Variants in OLAH observed in about 807,000 individuals in gnomAD.
The protein encoded by OLAH is S-acyl fatty acid synthase thioesterase, medium chain.
OLAH carries 33 observed loss-of-function variants against 27.8 expected under a neutral mutation model. That is an observed-to-expected ratio of 1.19 (90% CI 0.90 to 1.59). The LOEUF (loss-of-function observed/expected upper bound fraction) is 1.59, where lower values mean the gene tolerates loss of function less well. OLAH is among the 40% of genes most tolerant of loss of function. The pLI is 0.00. For missense variants in OLAH, 359 were observed against 310.8 expected, an observed-to-expected ratio of 1.16 and a Z score of -1.17; for synonymous variants, 120 against 102.9, an observed-to-expected ratio of 1.17 and a Z score of -1.01.
At chr10:15,037,803 C>T (rs1381432093) in intron 1 of OLAH, among the ~76,000 whole-genome samples, 3 of 152,204 alleles carry the variant, frequency 2.0e-5, no homozygotes, top group Non-Finnish European at 4.4e-5. Flanking sequence ...AGGCATTAAA[C>T]TTTTACAGCC....
At chr10:15,034,890 C>T (rs1451718544) in intron 1 of OLAH, among the ~76,000 whole-genome samples, 1 of 151,650 alleles carries the variant, frequency 6.6e-6, no homozygotes, top group East Asian at 1.9e-4. Context: ...CAACCTTCAC[C>T]TCCCGGGTTC....
intron 3 of OLAH, among the ~76,000 whole-genome samples, chr10:15,056,270 G>A (rs1844242024): frequency 6.6e-6 from 1 of 152,008 alleles, no homozygotes; most frequent in Non-Finnish European, 1.5e-5. Context: ...GGGCTTCTAT[G>A]AGCATCTTAT....
upstream of OLAH, among the ~76,000 whole-genome samples, chr10:15,041,280 A>ATTT (rs529932860): frequency 1.3e-5 from 1 of 79,010 alleles, no homozygotes; most frequent in African/African-American, 4.9e-5. Flanking sequence ...TTTTATTTTT[A>ATTT]TTTTTATTTT....
chr10:15,048,547 C>T (rs944242792), intron 2 of OLAH, among the ~76,000 whole-genome samples: 4 of 152,184 alleles, frequency 2.6e-5, no homozygotes, highest in Admixed American at 2.6e-4. Flanking sequence ...CACTGTTTAT[C>T]AAACATTCAG....
chr10:15,049,885 G>A, intron 3 of OLAH, 120 bp downstream of exon 3: 1 of 919,668 alleles, frequency 1.1e-6, no homozygotes, highest in Admixed American at 3.2e-5. Context: ...AAACTTTCAA[G>A]ATTATGCTTC....
At chr10:15,049,956 G>A (rs944591424) in intron 3 of OLAH, among the ~76,000 whole-genome samples, 191 bp downstream of exon 3, 9 of 152,176 alleles carry the variant, frequency 5.9e-5, no homozygotes, top group African/African-American at 2.2e-4. Flanking sequence ...TATCGTTAGA[G>A]CTAGAAGGAC....
intron 6 of OLAH, among the ~76,000 whole-genome samples, chr10:15,066,633 ATTTATTTATTTAT>A (rs1844474063): frequency 1.6e-5 from 1 of 63,868 alleles, no homozygotes; most frequent in African/African-American, 5.9e-5. Context: ...TTATTTATTT[ATTTATTTATTTAT>A]TTATTTATTT....
At chr10:15,054,610 T>A (rs906232450) in intron 3 of OLAH, among the ~76,000 whole-genome samples, 11 of 121,540 alleles carry the variant, frequency 9.1e-5, no homozygotes, top group Admixed American at 7.8e-5. Context: ...CTATGACTAC[T>A]ACTTTGTTTT....
At chr10:15,033,239 A>G (rs1407640240) in intron 1 of OLAH, among the ~76,000 whole-genome samples, 2 of 152,168 alleles carry the variant, frequency 1.3e-5, no homozygotes, top group Admixed American at 1.3e-4. Context: ...CTAGTAGGAA[A>G]AATGACTAGA....
rs149926851 is a variant in OLAH, at chr10:15,035,080, G to T, written c.-164+2730G>T. Among the ~76,000 whole-genome samples, 8 of 152,162 alleles carry T rather than the reference G, an allele frequency of 5.3e-5. No individual in the cohort carries two copies. The East Asian group carries it at 1.4e-3, about 26-fold the overall frequency. ...CTCCCAAAGTGCTGGGATTACAGGCGCTGAGAGTTAAAAGGCTGGGGTTGT... is the reference window on the plus strand; with the variant it reads ...CTCCCAAAGTGCTGGGATTACAGGCTCTGAGAGTTAAAAGGCTGGGGTTGT... On this transcript the variant is annotated intron_variant, in intron 1 of 3. Transcript: ENST00000413672.
rs1280273845 is a variant in OLAH, at chr10:15,047,362, G to T, written c.32+42G>T. On this transcript the variant is annotated intron_variant, in intron 2 of 7. Coordinates refer to ENST00000378228, the MANE Select transcript of OLAH (RefSeq NM_001039702.3). ...GCCACCAGGCTCTTCCTCCATCCCA[G>T]GGGCTCCGATACCCTGCCTTTGTAC... 4 of 1,599,996 alleles carry T rather than the reference G, an allele frequency of 2.5e-6. No individual in the cohort carries two copies. The Admixed American group carries it at 6.7e-5, about 27-fold the overall frequency.
At chr10:15,034,110 T>TTTCC (rs745361348) in intron 1 of OLAH, among the ~76,000 whole-genome samples, 4 of 80,838 alleles carry the variant, frequency 4.9e-5, no homozygotes, top group Non-Finnish European at 8.5e-5. Context: ...CCATTTTTTT[T>TTTCC]TTTTCTTTTT....
chr10:15,065,364 A>T (rs1012671277), intron 5 of OLAH, among the ~76,000 whole-genome samples: 1 of 152,168 alleles, frequency 6.6e-6, no homozygotes, highest in South Asian at 2.1e-4. Flanking sequence ...TTCTAAATCT[A>T]CAAAGCCATT....
chr10:15,037,233 C>T (rs1285611604), intron 1 of OLAH, among the ~76,000 whole-genome samples: 1 of 151,782 alleles, frequency 6.6e-6, no homozygotes, highest in Admixed American at 6.6e-5. Flanking sequence ...GCTAATAAGG[C>T]AATAGAGACA....
At chr10:15,037,919 G>A (rs1222349625) in intron 1 of OLAH, among the ~76,000 whole-genome samples, 1 of 152,242 alleles carries the variant, frequency 6.6e-6, no homozygotes, top group Non-Finnish European at 1.5e-5. Context: ...CACAGGCCAG[G>A]AACGCTGCCT....
intron 3 of OLAH, among the ~76,000 whole-genome samples, chr10:15,050,001 C>T (rs1227192068): frequency 6.6e-6 from 1 of 152,200 alleles, no homozygotes; most frequent in Non-Finnish European, 1.5e-5. Flanking sequence ...CTGCATTTGT[C>T]TTTGGTATAA....
intron 3 of OLAH, among the ~76,000 whole-genome samples, chr10:15,059,011 CTCT>C (rs1844304755): frequency 8.0e-6 from 1 of 124,260 alleles, no homozygotes; most frequent in Non-Finnish European, 1.7e-5. Flanking sequence ...CTCCTTCCCT[CTCT>C]CCTTCCCTCC....
At chr10:15,035,766 C>G (rs1843832272) in intron 1 of OLAH, among the ~76,000 whole-genome samples, 1 of 152,118 alleles carries the variant, frequency 6.6e-6, no homozygotes, top group Admixed American at 6.5e-5. Context: ...AGATCTGGCT[C>G]TTGGGGAGAA....
At chr10:15,056,827 C>T (rs964380947) in intron 3 of OLAH, 15 of 1,492,732 alleles carry the variant, frequency 1.0e-5, no homozygotes, top group African/African-American at 4.3e-5. Context: ...TTTGTAGAGA[C>T]AGCATCTCAC....
Sources: gnomAD v4.1 joint callset for allele counts (sites outside exome capture counted in the v4.1 genomes callset) on GRCh38, gnomAD v4.1.1 for gene constraint, MANE v1.5 for transcripts, NCBI Gene and HGNC (gene_info 2026-07-23, HGNC 2026-07-21) for gene names.